Variants in ATR observed in about 807,000 individuals in gnomAD.
ATR encodes serine/threonine-protein kinase ATR.
Under a neutral mutation model 305.3 loss-of-function variants are expected in ATR, and 142 were observed. The ratio of observed to expected loss-of-function variants is 0.47; its 90% confidence interval spans 0.41 to 0.53. ATR has a LOEUF of 0.53. Among genes scored for constraint, ATR ranks in the 20% least tolerant of loss-of-function variants. ATR has a pLI of 0.00. For synonymous variants in ATR, 1,050 were observed against 1,068.1 expected (o/e 0.98, Z 0.33); for missense variants, 2,135 against 3,133.1 (o/e 0.68, Z 7.60).
intron 10 of ATR, among the ~76,000 whole-genome samples, chr3:142,554,881 T>C (rs1055242869): frequency 6.6e-6 from 1 of 151,516 alleles, no homozygotes; most frequent in Non-Finnish European, 1.5e-5. Context: ...TGAGCCATGA[T>C]TGCGCCACTG....
rs747884423 is a variant in ATR at position 142,553,919 on chromosome 3, A to T, written c.2438T>A (p.Met813Lys). 1 of 1,612,322 alleles carries T rather than the reference A, an allele frequency of 6.2e-7. No individual in the cohort carries two copies. Among genetic ancestry groups the T allele is most frequent in the East Asian group, 2.2e-5 (1 of 44,738 alleles). The change falls in exon 11 of 47, where the codon ATG (methionine) becomes AAG (lysine). Residue 813 changes from methionine (M) to lysine (K), a missense_variant. This residue lies in a region of ATR where 530 missense variants were observed against 766.8 expected (regional missense o/e 0.69). Transcript: ENST00000350721. ...TCTAACATCTTTGTCTGGATCTTCCATTAAATTTAATAAAGTTCCAAGAAC... is the reference window on the plus strand; with the variant it reads ...TCTAACATCTTTGTCTGGATCTTCCTTTAAATTTAATAAAGTTCCAAGAAC... ...KAVLGTLLNL[M>K]EDPDKDVRVA...
rs780300351 is a variant in ATR at position 142,512,451 on chromosome 3, G to A, written c.4661C>T (p.Ala1554Val). 2 of 1,611,224 alleles carry A rather than the reference G, an allele frequency of 1.2e-6. No individual in the cohort carries two copies. The change falls in exon 27 of 47, where the codon GCA (alanine) becomes GTA (valine). Residue 1554 changes from alanine (A) to valine (V), a missense_variant. Physicochemically the swap from Ala to Val is moderately conservative, Grantham distance 64. Transcript: ENST00000350721. ...ATGCTGATCGTCATGCTTTAGAACT[G>A]CCATAATTTCTGCATAAACCTATGA... ...DQQEVYAEIM[A>V]VLKHDDQHTI...
chr3:142,536,194 C>G lies in ATR; in HGVS notation c.3733G>C (p.Val1245Leu), dbSNP rs777279987. ...HYLIIENRDAVQDFLHEIYFL... is the reference protein window; with the variant it reads ...HYLIIENRDALQDFLHEIYFL... Reference sequence around the variant, plus strand: ...TATATTTCATGAAGAAAATCTTGCACAGCATCCCTAATAGTTAGTTGGAAT... The same window carrying G: ...TATATTTCATGAAGAAAATCTTGCAGAGCATCCCTAATAGTTAGTTGGAAT... The change falls in exon 20 of 47, where the codon GTG becomes CTG. Residue 1245 changes from valine (V) to leucine (L), a missense_variant. Around this residue, in one of 9 missense-constraint regions of ATR, gnomAD observed 530 missense variants for 766.8 expected, o/e 0.69. Coordinates refer to ENST00000350721, the MANE Select transcript of ATR (RefSeq NM_001184.4). The G allele has an allele frequency of 1.9e-6, 3 of 1,569,416 alleles. No individual in the cohort carries two copies. The highest frequency in any genetic ancestry group is 1.8e-6 in the Non-Finnish European group (2 of 1,139,824).
At chr3:142,507,804 A>C in intron 28 of ATR, 127 bp downstream of exon 28, 1 of 881,252 alleles carries the variant, frequency 1.1e-6, no homozygotes, top group South Asian at 1.7e-5. Context: ...ATTGATGTTT[A>C]TCTCTCCCCA....
chr3:142,481,618 A>G (rs535341598), intron 36 of ATR, among the ~76,000 whole-genome samples: 109 of 152,220 alleles, frequency 7.2e-4, no homozygotes, highest in African/African-American at 2.6e-3. Context: ...AGCCTCCCAC[A>G]TAGCTGGGAC....
intron 16 of ATR, among the ~76,000 whole-genome samples, chr3:142,546,573 A>G (rs1169665090): frequency 6.6e-6 from 1 of 152,216 alleles, no homozygotes; most frequent in Non-Finnish European, 1.5e-5. Flanking sequence ...GGAGAGAATG[A>G]TGACTGAGAA....
At chr3:142,519,948 T>A (rs2033074193) in intron 23 of ATR, among the ~76,000 whole-genome samples, 164 bp from the exon 24 acceptor site, 2 of 152,236 alleles carry the variant, frequency 1.3e-5, no homozygotes, top group South Asian at 4.1e-4. Flanking sequence ...GTCTGTTTGT[T>A]TTTTTAGAAA....
chr3:142,459,090 G>A lies in ATR; in HGVS notation c.7371C>T (p.Tyr2457=). The change falls in exon 44 of 47, where the codon TAC becomes TAT. Residue 2457 remains tyrosine (Y), a synonymous_variant. Coordinates refer to ENST00000350721, the MANE Select transcript of ATR (RefSeq NM_001184.4). ...PTSWYSSRSA[Y]CRSTAVMSMV... ...TTGACATTACTGCAGTGGAACGGCA[G>A]TAAGCTGATCTACTACTGTACCTAA... 1 of 1,614,020 alleles carries A rather than the reference G, an allele frequency of 6.2e-7. No homozygotes were observed. Among genetic ancestry groups the A allele is most frequent in the East Asian group, 2.2e-5 (1 of 44,868 alleles).
chr3:142,449,320 T>G lies in ATR; in HGVS notation c.*109A>C. 1 of 1,011,130 alleles carries G rather than the reference T, an allele frequency of 9.9e-7. No individual in the cohort carries two copies. The highest frequency in any genetic ancestry group is 1.5e-6 in the Non-Finnish European group (1 of 670,636). The allele number at this position is 1,011,130 out of a possible 1,614,324, so 62.6% of individuals were successfully genotyped here. A position where few individuals can be genotyped will look rare whatever the true frequency, so the allele number is the denominator to read the frequency against. ...ATGATCAGAGAGAAATAACAGTTGC[T>G]GAGAACGTAAATTTATGTTGTACTT... On this transcript the variant is annotated 3_prime_UTR_variant, in exon 47 of 47. Transcript: ENST00000350721.
intron 36 of ATR, among the ~76,000 whole-genome samples, chr3:142,482,476 T>C (rs2030577418): frequency 6.6e-6 from 1 of 152,122 alleles, no homozygotes; most frequent in Non-Finnish European, 1.5e-5. Flanking sequence ...AAATTCTATA[T>C]CCCAAGGCAC....
intron 35 of ATR, among the ~76,000 whole-genome samples, chr3:142,487,123 C>T (rs1398433782): frequency 6.6e-6 from 1 of 152,088 alleles, no homozygotes; most frequent in African/African-American, 2.4e-5. Context: ...CAGAGCGAGA[C>T]ACCATCTCCA....
intron 21 of ATR, among the ~76,000 whole-genome samples, chr3:142,530,170 C>T (rs2033582216): frequency 6.6e-6 from 1 of 151,968 alleles, no homozygotes; most frequent in Admixed American, 6.6e-5. Flanking sequence ...TTATTCAATG[C>T]CCCTTGCTAA....
intron 39 of ATR, among the ~76,000 whole-genome samples, chr3:142,467,450 T>C (rs1031048655): frequency 6.6e-6 from 1 of 152,140 alleles, no homozygotes; most frequent in Non-Finnish European, 1.5e-5. Flanking sequence ...TCCCTTAGCA[T>C]AGTGCTTGTC....
At chr3:142,535,692 C>T (rs1478323289) in intron 20 of ATR, among the ~76,000 whole-genome samples, 1 of 152,026 alleles carries the variant, frequency 6.6e-6, no homozygotes, top group Non-Finnish European at 1.5e-5. Context: ...TAAATTATTC[C>T]CCTTCTAAAT....
rs114765559 is a variant in ATR, at chr3:142,561,686, C to T, written c.1171-265G>A. 6.6e-4 allele frequency among the ~76,000 whole-genome samples: 100 copies of T among 152,086 alleles called. 2 individuals are homozygous for T. The highest frequency in any genetic ancestry group is 2.3e-3 in the African/African-American group (96 of 41,500). Reference sequence around the variant, plus strand: ...CCAAAATGCTATAAATTTTAATTCCCTTATAAAAAATTCTGTAAGGGAATT... The same window carrying T: ...CCAAAATGCTATAAATTTTAATTCCTTTATAAAAAATTCTGTAAGGGAATT... On this transcript the variant is annotated intron_variant, in intron 4 of 46. Coordinates refer to ENST00000350721, the MANE Select transcript of ATR (RefSeq NM_001184.4).
At position 142,509,972 on chromosome 3, in the gene ATR, C is replaced by T. The variant is rs1577598274; in HGVS notation, c.4853-1863G>A. 3.3e-5 allele frequency among the ~76,000 whole-genome samples: 5 copies of T among 151,708 alleles called. No individual in the cohort carries two copies. The South Asian group carries it at 8.3e-4, about 25-fold the overall frequency. Reference sequence around the variant, plus strand: ...CTCCATTAAAATACAAAAAATTAGTCGGGTATGGTGGCATGTGCCTGTAGC... The same window carrying T: ...CTCCATTAAAATACAAAAAATTAGTTGGGTATGGTGGCATGTGCCTGTAGC... On this transcript the variant is annotated intron_variant, in intron 27 of 46. Transcript: ENST00000350721.
Position 142,538,512 on chromosome 3 carries a change from G to T in ATR, c.3695C>A (p.Ala1232Asp), listed in dbSNP as rs201150434. ...LIHIQPKETA[A>D]IFHYLIIENR... ...TTCAATTATGAGGTAGTGGAAGATA[G>T]CTGCAGTTTCTTTAGGCTGGATGTG... Residue 1232 changes from alanine to aspartate, a missense_variant, in exon 19 of 47, where the codon GCT (alanine) becomes GAT (aspartate). Physicochemically the swap from Ala to Asp is moderately radical, Grantham distance 126 (BLOSUM62 -2). This residue lies in a region of ATR where 530 missense variants were observed against 766.8 expected (regional missense o/e 0.69). Transcript: ENST00000350721. 1.2e-4 allele frequency: 195 copies of T among 1,613,020 alleles called. 1 individual carries two copies. The highest frequency in any genetic ancestry group is 1.2e-4 in the Admixed American group (7 of 59,950).
chr3:142,553,441 C>CACA, intron 12 of ATR, 43 bp from the exon 13 acceptor site: 1 of 1,534,476 alleles, frequency 6.5e-7, no homozygotes, highest in East Asian at 2.3e-5. Flanking sequence ...CAAACACACA[C>CACA]ACACACACAC....
chr3:142,536,146 A>G lies in ATR; in HGVS notation c.3781T>C (p.Leu1261=), dbSNP rs1559973266. The change falls in exon 20 of 47, where the codon TTA becomes CTA. Residue 1261 remains leucine, a synonymous_variant. Coordinates refer to ENST00000350721, the MANE Select transcript of ATR (RefSeq NM_001184.4). ...TGGAGAACGGCTTTTATCTTTTTTA[A>G]TTCTGGATGATCAGGTAAAAAATAT... ...EIYFLPDHPE[L]KKIKAVLQEY... is the part of the protein sequence containing the mutation. The G allele has an allele frequency of 6.3e-7, 1 of 1,592,220 alleles. No individual in the cohort carries two copies. The highest frequency in any genetic ancestry group is 8.6e-7 in the Non-Finnish European group (1 of 1,160,430).
Sources: allele counts gnomAD v4.1 joint callset (sites outside exome capture counted in the v4.1 genomes callset), GRCh38; gene constraint gnomAD v4.1.1; regional missense constraint gnomAD v4.1.1; transcripts MANE v1.5; gene names NCBI Gene and HGNC (gene_info 2026-07-23, HGNC 2026-07-21).